KIF16B: variants seen among roughly 807,000 people sequenced by gnomAD.
KIF16B encodes the protein kinesin family member 16B.
A neutral mutation model predicts 156.3 loss-of-function variants in KIF16B; 98 were observed. The observed-to-expected ratio is 0.63, with a 90% confidence interval of 0.53 to 0.74. The LOEUF (loss-of-function observed/expected upper bound fraction) is 0.74. KIF16B is among the 30% of genes least tolerant of loss of function. KIF16B has a pLI of 0.00. For missense variants in KIF16B, 1,421 were observed against 1,606.5 expected (o/e 0.88, Z 1.97); for synonymous variants, 564 against 583.7 (o/e 0.97, Z 0.49).
intron 24 of KIF16B, among the ~76,000 whole-genome samples, chr20:16,326,137 T>G (rs2063844011): frequency 6.6e-6 from 1 of 151,924 alleles, no homozygotes; most frequent in African/African-American, 2.4e-5. Context: ...TCATCCTATA[T>G]GCAAATCAAC....
intron 1 of KIF16B, among the ~76,000 whole-genome samples, chr20:16,537,997 C>T (rs1479778744): frequency 6.6e-6 from 1 of 152,164 alleles, no homozygotes; most frequent in Non-Finnish European, 1.5e-5. Flanking sequence ...AGCCACCATG[C>T]CCAGCCCTAC....
At chr20:16,553,268 C>G (rs2070731047) in intron 1 of KIF16B, among the ~76,000 whole-genome samples, 1 of 152,190 alleles carries the variant, frequency 6.6e-6, no homozygotes, top group Admixed American at 6.5e-5. Flanking sequence ...GCCCTCAGTG[C>G]TGATGTCCTC....
intron 17 of KIF16B, among the ~76,000 whole-genome samples, chr20:16,396,647 G>GTTT (rs1568932840): frequency 8.5e-6 from 1 of 117,810 alleles, no homozygotes; most frequent in Non-Finnish European, 1.6e-5. Context: ...AACTGTAGTC[G>GTTT]CTTTTTTTTT....
At chr20:16,430,886 T>A (rs2066480763) in intron 12 of KIF16B, among the ~76,000 whole-genome samples, 1 of 151,526 alleles carries the variant, frequency 6.6e-6, no homozygotes, top group African/African-American at 2.4e-5. Flanking sequence ...CCCAACTCAG[T>A]TTAGCTATGG....
At chr20:16,287,313 G>A (rs2063237766) in intron 25 of KIF16B, among the ~76,000 whole-genome samples, 1 of 152,026 alleles carries the variant, frequency 6.6e-6, no homozygotes, top group Non-Finnish European at 1.5e-5. Context: ...ATAATTCTTA[G>A]CAGGTATTTC....
chr20:16,520,930 C>T lies in KIF16B; in HGVS notation c.231+5162G>A, dbSNP rs1374522777. Among the ~76,000 whole-genome samples, 4 of 152,132 alleles carry T rather than the reference C, an allele frequency of 2.6e-5. No homozygotes were observed. In the East Asian group the frequency reaches 5.8e-4, roughly 22 times the overall value. ...CCAGCAAACTCCAGCAGACCTGCAG[C>T]AGAGGGGCCTGACTGTTAGAAGGAA... On this transcript the variant is annotated intron_variant, in intron 3 of 25. Coordinates refer to ENST00000354981, the MANE Select transcript of KIF16B (RefSeq NM_024704.5).
intron 12 of KIF16B, among the ~76,000 whole-genome samples, chr20:16,471,295 T>C (rs1175363249): frequency 1.3e-5 from 2 of 152,202 alleles, no homozygotes; most frequent in Admixed American, 1.3e-4. Context: ...GCATAAAATA[T>C]GAGTCCTAAA....
chr20:16,328,070 T>C (rs2063886837), intron 24 of KIF16B, among the ~76,000 whole-genome samples: 1 of 152,198 alleles, frequency 6.6e-6, no homozygotes. Flanking sequence ...TTGGTGCTGC[T>C]CAGAAAATAA....
At chr20:16,552,848 T>A (rs1187276868) in intron 1 of KIF16B, among the ~76,000 whole-genome samples, 1 of 152,138 alleles carries the variant, frequency 6.6e-6, no homozygotes, top group Non-Finnish European at 1.5e-5. Context: ...CTTGGCTCCC[T>A]GCAACCTTCT....
intron 3 of KIF16B, 72 bp downstream of exon 3, chr20:16,526,020 G>A: frequency 1.2e-6 from 1 of 820,368 alleles, no homozygotes; most frequent in Non-Finnish European, 1.9e-6. Flanking sequence ...ATATTTTAAA[G>A]TATTTTAGGG....
chr20:16,388,880 G>A (rs981772980), intron 17 of KIF16B, among the ~76,000 whole-genome samples: 2 of 152,138 alleles, frequency 1.3e-5, no homozygotes, highest in East Asian at 1.9e-4. Context: ...ATGGTGATTC[G>A]TGTTGTACCT....
intron 1 of KIF16B, among the ~76,000 whole-genome samples, chr20:16,545,072 C>A (rs1157268180): frequency 6.6e-6 from 1 of 152,196 alleles, no homozygotes; most frequent in Non-Finnish European, 1.5e-5. Context: ...TTTCTCCCTG[C>A]AGTCACAGCT....
At chr20:16,415,935 A>AT (rs1188976990) in intron 15 of KIF16B, among the ~76,000 whole-genome samples, 31 of 152,102 alleles carry the variant, frequency 2.0e-4, no homozygotes, top group African/African-American at 7.5e-4. Context: ...TTGGGAAGTA[A>AT]AGAGTAGCTG....
intron 12 of KIF16B, among the ~76,000 whole-genome samples, chr20:16,468,506 G>C (rs1484793157): frequency 6.8e-6 from 1 of 147,276 alleles, no homozygotes; most frequent in Non-Finnish European, 1.5e-5. Flanking sequence ...AACCCTGGGG[G>C]AGGAGATTGC....
At chr20:16,452,515 G>A (rs2067108614) in intron 12 of KIF16B, among the ~76,000 whole-genome samples, 1 of 152,018 alleles carries the variant, frequency 6.6e-6, no homozygotes, top group South Asian at 2.1e-4. Context: ...AGACATGACC[G>A]GAAACAGGGA....
rs760973299 is a variant in KIF16B at position 16,406,430 on chromosome 20, T to C, written c.1639A>G (p.Asn547Asp). The change falls in exon 16 of 26, where the codon AAT (asparagine) becomes GAT (aspartate). Residue 547 changes from asparagine (N) to aspartate (D), a missense_variant. Asn to Asp is a conservative substitution (Grantham distance 23, BLOSUM62 1). Transcript: ENST00000354981. ...QGAVILLGRTNMFRFNHPKEA... is the reference protein window; with the variant it reads ...QGAVILLGRTDMFRFNHPKEA... ...TTTGGATGGTTAAAGCGAAACATAT[T>C]GGTTCTTCCCAAGAGAATCACAGCA... The C allele has an allele frequency of 6.2e-7, 1 of 1,613,530 alleles. No homozygotes were observed. Among genetic ancestry groups the C allele is most frequent in the East Asian group, 2.2e-5 (1 of 44,866 alleles).
In KIF16B at chr20:16,512,864, G is replaced by A; in HGVS notation, c.408C>T (p.Thr136=). 4 of 1,613,962 alleles carry A rather than the reference G, an allele frequency of 2.5e-6. No homozygotes were observed. The highest frequency in any genetic ancestry group is 3.4e-6 in the Non-Finnish European group (4 of 1,179,826). The stretch of plus-strand genomic sequence containing the variant: ...GAAAAGAAGCTTCATCCCATCTGGT[G>A]GTTTCATTTATCCGACTGAAGAGTC... The part of the protein sequence containing the change: ...CEGLFSRINE[T]TRWDEASFRT... Residue 136 remains threonine (T), a synonymous_variant, in exon 5 of 26, where the codon ACC becomes ACT. Coordinates refer to ENST00000354981, the MANE Select transcript of KIF16B (RefSeq NM_024704.5).
intron 1 of KIF16B, among the ~76,000 whole-genome samples, chr20:16,555,788 T>C (rs1393900858): frequency 6.6e-6 from 1 of 152,170 alleles, no homozygotes; most frequent in East Asian, 1.9e-4. Context: ...AATTTTCTCA[T>C]TCTTCAAAAT....
chr20:16,401,909 T>C (rs889278294), intron 17 of KIF16B, among the ~76,000 whole-genome samples: 1 of 152,246 alleles, frequency 6.6e-6, no homozygotes, highest in Non-Finnish European at 1.5e-5. Flanking sequence ...TACATCCTGA[T>C]ATTTGTATTA....
Sources: gnomAD v4.1 joint callset for allele counts (sites outside exome capture counted in the v4.1 genomes callset) on GRCh38, gnomAD v4.1.1 for gene constraint, MANE v1.5 for transcripts, NCBI Gene and HGNC (gene_info 2026-07-23, HGNC 2026-07-21) for gene names.